FOXN3: variants seen among roughly 807,000 people sequenced by gnomAD.
The protein encoded by FOXN3 is forkhead box N3.
Under a neutral mutation model 38.4 loss-of-function variants are expected in FOXN3, and 7 were observed. The ratio of observed to expected loss-of-function variants is 0.18; its 90% CI spans 0.10 to 0.34. FOXN3 has a LOEUF of 0.34. Ranked by LOEUF, FOXN3 falls within the 10% of genes least tolerant of loss-of-function variation. FOXN3 has a pLI of 1.00. For missense variants in FOXN3, 456 were observed against 613.4 expected, an observed-to-expected ratio of 0.74 and a Z score of 2.71; for synonymous variants, 230 against 242.2, an observed-to-expected ratio of 0.95 and a Z score of 0.47.
chr14:89,186,993 C>A (rs1245235813), intron 4 of FOXN3, among the ~76,000 whole-genome samples: 1 of 152,184 alleles, frequency 6.6e-6, no homozygotes, highest in Non-Finnish European at 1.5e-5. Context: ...CAGCTTCAGA[C>A]CCTGGACTGT....
At chr14:89,452,096 G>C in intron 1 of FOXN3, among the ~76,000 whole-genome samples, 1 of 152,248 alleles carries the variant, frequency 6.6e-6, no homozygotes, top group Admixed American at 6.5e-5. Context: ...GTTCATACTA[G>C]TGTGTCAATG....
At chr14:89,341,782 A>G (rs918596856) in intron 3 of FOXN3, among the ~76,000 whole-genome samples, 2 of 152,198 alleles carry the variant, frequency 1.3e-5, no homozygotes, top group African/African-American at 2.4e-5. Context: ...TATTTCTAAC[A>G]TGAGGATCAA....
intron 1 of FOXN3, among the ~76,000 whole-genome samples, chr14:89,545,262 T>C (rs749202016): frequency 6.6e-6 from 1 of 152,254 alleles, no homozygotes; most frequent in Non-Finnish European, 1.5e-5. Context: ...CATACTGGCA[T>C]GGACAGGACA....
chr14:89,198,070 A>G (rs1407673267), intron 4 of FOXN3, among the ~76,000 whole-genome samples: 1 of 152,198 alleles, frequency 6.6e-6, no homozygotes, highest in Non-Finnish European at 1.5e-5. Flanking sequence ...TTCCATATCC[A>G]TGGATTTCAT....
intron 3 of FOXN3, among the ~76,000 whole-genome samples, chr14:89,338,775 C>T (rs1478394579): frequency 6.6e-6 from 1 of 152,108 alleles, no homozygotes; most frequent in African/African-American, 2.4e-5. Flanking sequence ...TACCACTTCA[C>T]TCCAGCCTGG....
chr14:89,435,881 C>G (rs1032310858), intron 1 of FOXN3, among the ~76,000 whole-genome samples: 1 of 152,206 alleles, frequency 6.6e-6, no homozygotes, highest in African/African-American at 2.4e-5. Flanking sequence ...CTTCCTGGAT[C>G]TCCTCTGAAT....
At chr14:89,288,663 A>T (rs59830550) in intron 3 of FOXN3, among the ~76,000 whole-genome samples, 2,127 of 45,920 alleles carry the variant, frequency 0.046, 268 homozygotes, top group East Asian at 0.16. Flanking sequence ...TGTAATAGGC[A>T]CTCTCTTTCT....
chr14:89,434,709 T>C (rs1478790593), intron 1 of FOXN3, among the ~76,000 whole-genome samples: 3 of 152,128 alleles, frequency 2.0e-5, no homozygotes, highest in Non-Finnish European at 4.4e-5. Flanking sequence ...CCTCACCCTA[T>C]TGCCTGCTCC....
At chr14:89,467,925 C>T (rs1893012606) in intron 1 of FOXN3, among the ~76,000 whole-genome samples, 1 of 139,676 alleles carries the variant, frequency 7.2e-6, no homozygotes, top group Non-Finnish European at 1.5e-5. Flanking sequence ...GCTGAGATTA[C>T]AGGCATGAGC....
chr14:89,590,560 T>C (rs1299372927), intron 1 of FOXN3, among the ~76,000 whole-genome samples: 2 of 152,136 alleles, frequency 1.3e-5, no homozygotes, highest in Admixed American at 1.3e-4. Context: ...GTTAGACTAG[T>C]TGGGGCTCAG....
intron 4 of FOXN3, among the ~76,000 whole-genome samples, chr14:89,202,945 G>A (rs1888273079): frequency 1.3e-5 from 2 of 151,896 alleles, no homozygotes; most frequent in South Asian, 4.2e-4. Flanking sequence ...CTAAGATCAC[G>A]TAAATTCTGC....
chr14:89,499,337 C>T (rs1352013324), intron 1 of FOXN3, among the ~76,000 whole-genome samples: 1 of 152,110 alleles, frequency 6.6e-6, no homozygotes, highest in African/African-American at 2.4e-5. Flanking sequence ...TCCCTGAGCA[C>T]TGAAGTGCCG....
chr14:89,478,839 C>A (rs181802103), intron 1 of FOXN3, among the ~76,000 whole-genome samples: 6 of 145,862 alleles, frequency 4.1e-5, no homozygotes, highest in African/African-American at 1.5e-4. Flanking sequence ...GGCTGAGGCA[C>A]GAGAATCGCT....
intron 1 of FOXN3, among the ~76,000 whole-genome samples, chr14:89,481,976 C>T (rs1201325546): frequency 6.6e-6 from 1 of 152,094 alleles, no homozygotes; most frequent in African/African-American, 2.4e-5. Context: ...ACTTGTGTGA[C>T]CCTGCACCTA....
chr14:89,344,802 T>A (rs1403329357), intron 3 of FOXN3, among the ~76,000 whole-genome samples: 1 of 152,052 alleles, frequency 6.6e-6, no homozygotes, highest in Non-Finnish European at 1.5e-5. Flanking sequence ...TAGAACCGAG[T>A]GTAAAATCAG....
At position 89,280,962 on chromosome 14, in the gene FOXN3, C is replaced by T. The variant is rs757039117; in HGVS notation, c.733G>A (p.Ala245Thr). ...PGSTFFKRNG[A>T]LLQVPPGVIQ... ...ACTAGGGACCTACCTTGGAGAAGGG[C>T]TCCATTTCTCTTGAAGAAGGTACTG... Residue 245 changes from alanine (A) to threonine (T), a missense_variant, in exon 4 of 6, where the codon GCC becomes ACC. Coordinates refer to ENST00000557258, the MANE Select transcript of FOXN3 (RefSeq NM_005197.4). The T allele has an allele frequency of 1.1e-4, 175 of 1,613,642 alleles. No homozygotes were observed. Among genetic ancestry groups the T allele is most frequent in the Admixed American group, 7.5e-4 (45 of 59,950 alleles).
upstream of FOXN3, among the ~76,000 whole-genome samples, chr14:89,421,780 C>T (rs1212489091): frequency 6.6e-6 from 1 of 152,180 alleles, no homozygotes; most frequent in Admixed American, 6.5e-5. Context: ...CTGCCCGCCT[C>T]AGCCTCCCAA....
intron 1 of FOXN3, among the ~76,000 whole-genome samples, chr14:89,490,057 G>A (rs1893541467): frequency 6.6e-6 from 1 of 152,226 alleles, no homozygotes; most frequent in Non-Finnish European, 1.5e-5. Flanking sequence ...CAAGGTCGGA[G>A]GCTCAGATTT....
At chr14:89,338,908 G>A (rs1888539203) in intron 3 of FOXN3, among the ~76,000 whole-genome samples, 1 of 152,220 alleles carries the variant, frequency 6.6e-6, no homozygotes, top group Non-Finnish European at 1.5e-5. Flanking sequence ...CAAATTCAAT[G>A]ACTTTCCCTG....
Sources: gnomAD v4.1 joint callset for allele counts (sites outside exome capture counted in the v4.1 genomes callset) on GRCh38, gnomAD v4.1.1 for gene constraint, MANE v1.5 for transcripts, NCBI Gene and HGNC (gene_info 2026-07-23, HGNC 2026-07-21) for gene names.